RNF216: variants seen among roughly 807,000 people sequenced by gnomAD.
RNF216 encodes ring finger protein 216.
In RNF216, 72 loss-of-function variants were observed where a neutral mutation model predicts 110.8. The observed-to-expected ratio is 0.65, with a 90% confidence interval of 0.54 to 0.79. RNF216 has a LOEUF of 0.79. RNF216 is among the 30% of genes least tolerant of loss of function. The probability of loss-of-function intolerance (pLI) is 0.00; values close to 1 mark genes in which losing one functional copy is unlikely to be tolerated. For synonymous variants in RNF216, 495 were observed against 407.5 expected (o/e 1.21, Z -2.59); for missense variants, 1,342 against 1,141.2 (o/e 1.18, Z -2.54).
chr7:5,772,138 C>T (rs1030747780), intron 1 of RNF216, among the ~76,000 whole-genome samples: 2 of 151,798 alleles, frequency 1.3e-5, no homozygotes, highest in Non-Finnish European at 2.9e-5. Context: ...GACGCTGAGG[C>T]AGGAGAATCG....
chr7:5,740,154 T>A (rs1471282483), intron 4 of RNF216, among the ~76,000 whole-genome samples: 2 of 123,038 alleles, frequency 1.6e-5, no homozygotes, highest in East Asian at 2.4e-4. Context: ...TGAGATAGAG[T>A]CTCACTCTGT....
intron 15 of RNF216, among the ~76,000 whole-genome samples, chr7:5,634,810 TGTGTACTG>T (rs1376021982): frequency 6.6e-6 from 1 of 152,238 alleles, no homozygotes; most frequent in African/African-American, 2.4e-5. Flanking sequence ...CAACAGGCCG[TGTGTACTG>T]GACTGTGCTG....
chr7:5,698,402 CACACACACACACAT>C (rs1488757210), intron 13 of RNF216, among the ~76,000 whole-genome samples: 32 of 147,748 alleles, frequency 2.2e-4, no homozygotes, highest in African/African-American at 7.7e-4. Flanking sequence ...CACACACACA[CACACACACACACAT>C]ACACACACAC....
Position 5,715,082 on chromosome 7 carries a change from C to T in RNF216, c.1804G>A (p.Ala602Thr), listed in dbSNP as rs1408980466. The change falls in exon 11 of 17, where the codon GCC becomes ACC. Residue 602 changes from alanine (A) to threonine (T), a missense_variant. By Grantham distance (58) the Ala-to-Thr change is moderately conservative (BLOSUM62 0). Coordinates refer to ENST00000389902, the MANE Select transcript of RNF216 (RefSeq NM_207111.4). The part of the protein sequence containing the change: ...LFCKECLIRY[A>T]QEAVFGSGKL... ...CCAGATCCAAAGACTGCCTCTTGGG[C>T]ATATCTGATGAGACACTCTTTGCAG... The T allele has an allele frequency of 2.5e-6, 4 of 1,613,732 alleles. No individual in the cohort carries two copies. Among genetic ancestry groups the T allele is most frequent in the Non-Finnish European group, 1.7e-6 (2 of 1,179,932 alleles).
Position 5,757,348 on chromosome 7 carries a change from T to C in RNF216, c.67+3655A>G, listed in dbSNP as rs536666959. ...GAATCTTTTATCATTATGAACTCTA[T>C]CAATGCTTCTGGCTGGAGTTTCTAT... On this transcript the variant is annotated intron_variant, in intron 2 of 16. Transcript: ENST00000389902. Among the ~76,000 whole-genome samples the C allele has an allele frequency of 3.3e-5, 5 of 152,336 alleles. No individual in the cohort carries two copies. In the South Asian group the frequency reaches 6.2e-4, roughly 19 times the overall value.
intron 13 of RNF216, among the ~76,000 whole-genome samples, chr7:5,658,036 T>C (rs539971578): frequency 2.6e-5 from 4 of 152,334 alleles, no homozygotes; most frequent in African/African-American, 9.6e-5. Flanking sequence ...GGGGGTTCAG[T>C]GTAATGTGCA....
At chr7:5,753,369 A>T (rs1442222817) in intron 2 of RNF216, among the ~76,000 whole-genome samples, 3 of 152,226 alleles carry the variant, frequency 2.0e-5, no homozygotes, top group African/African-American at 7.2e-5. Flanking sequence ...TGAAAAAATT[A>T]TCATTCAAAA....
intron 3 of RNF216, among the ~76,000 whole-genome samples, chr7:5,742,459 A>C (rs1470997425): frequency 6.6e-6 from 1 of 152,198 alleles, no homozygotes; most frequent in African/African-American, 2.4e-5. Context: ...AAAACATATA[A>C]AAAAATCTAA....
At chr7:5,671,687 C>A (rs574559985) in intron 13 of RNF216, among the ~76,000 whole-genome samples, 3 of 151,816 alleles carry the variant, frequency 2.0e-5, no homozygotes, top group Admixed American at 6.6e-5. Flanking sequence ...CACCTGTAAT[C>A]CCAGCTATTT....
intron 13 of RNF216, among the ~76,000 whole-genome samples, chr7:5,655,712 G>A (rs747923197): frequency 1.3e-4 from 19 of 148,464 alleles, no homozygotes; most frequent in Non-Finnish European, 2.5e-4. Flanking sequence ...TTAACATTTG[G>A]AGCTCTCTCT....
chr7:5,637,078 T>C (rs77235423), intron 15 of RNF216, among the ~76,000 whole-genome samples: 3 of 152,252 alleles, frequency 2.0e-5, no homozygotes, highest in South Asian at 4.1e-4. Context: ...GAGCTCTTCA[T>C]AGCTCCAGCT....
At chr7:5,763,746 A>T (rs571061777) in intron 1 of RNF216, among the ~76,000 whole-genome samples, 2 of 151,974 alleles carry the variant, frequency 1.3e-5, no homozygotes, top group Admixed American at 1.3e-4. Context: ...AATTTTTAAA[A>T]TTTTTTTGTA....
chr7:5,732,559 A>G (rs1178074761), intron 5 of RNF216, among the ~76,000 whole-genome samples: 1 of 152,236 alleles, frequency 6.6e-6, no homozygotes, highest in Non-Finnish European at 1.5e-5. Flanking sequence ...GTTCCACATG[A>G]CAGAAATCAG....
At position 5,668,472 on chromosome 7, in the gene RNF216, C is replaced by T. The variant is rs533574887; in HGVS notation, c.2062-15962G>A. 1.2e-4 allele frequency among the ~76,000 whole-genome samples: 18 copies of T among 152,138 alleles called. 1 individual carries two copies. The East Asian group carries it at 1.7e-3, about 15-fold the overall frequency. On this transcript the variant is annotated intron_variant, in intron 13 of 16. Transcript: ENST00000389902. ...TTTCCTGACCTCGTGATCTGCCCGCCTCGGCCTCCCAAAGTGCTGGGATTA... is the reference window on the plus strand; with the variant it reads ...TTTCCTGACCTCGTGATCTGCCCGCTTCGGCCTCCCAAAGTGCTGGGATTA...
intron 13 of RNF216, among the ~76,000 whole-genome samples, chr7:5,676,021 C>CT (rs112746518): frequency 0.024 from 3,537 of 145,568 alleles, 57 homozygotes; most frequent in South Asian, 0.048. Context: ...CTTCTTTTTT[C>CT]TTTTTTTTTT....
chr7:5,761,444 C>G (rs1015697289), intron 1 of RNF216, among the ~76,000 whole-genome samples: 1 of 152,154 alleles, frequency 6.6e-6, no homozygotes, highest in African/African-American at 2.4e-5. Context: ...AAAGAAAACA[C>G]AGAAGATGCT....
intron 14 of RNF216, among the ~76,000 whole-genome samples, chr7:5,651,676 G>A (rs1051462264): frequency 1.3e-5 from 2 of 151,250 alleles, no homozygotes; most frequent in African/African-American, 4.9e-5. Flanking sequence ...TTGAGACGGA[G>A]TCTCGCTCTG....
intron 13 of RNF216, among the ~76,000 whole-genome samples, chr7:5,684,399 G>A (rs1584446816): frequency 6.6e-6 from 1 of 150,954 alleles, no homozygotes; most frequent in African/African-American, 2.4e-5. Context: ...GAGCCACTGC[G>A]CCTGGCCCAC....
chr7:5,771,514 C>T (rs1796492360), intron 1 of RNF216, among the ~76,000 whole-genome samples: 3 of 152,062 alleles, frequency 2.0e-5, no homozygotes, highest in Non-Finnish European at 4.4e-5. Flanking sequence ...AAAAGAATCC[C>T]GGCGGGGTGC....
Sources: gnomAD v4.1 joint callset for allele counts (sites outside exome capture counted in the v4.1 genomes callset) on GRCh38, gnomAD v4.1.1 for gene constraint, MANE v1.5 for transcripts, NCBI Gene and HGNC (gene_info 2026-07-23, HGNC 2026-07-21) for gene names.